Variants in IGF2BP2 observed in about 807,000 individuals in gnomAD.
IGF2BP2 encodes insulin-like growth factor 2 mRNA-binding protein 2.
A neutral mutation model predicts 75.8 loss-of-function variants in IGF2BP2; 17 were observed. That is an observed-to-expected ratio of 0.22 (90% confidence interval 0.15 to 0.34). The LOEUF is 0.34. Among genes scored for constraint, IGF2BP2 ranks in the 10% least tolerant of loss-of-function variants. IGF2BP2 has a pLI of 1.00. For missense variants in IGF2BP2, 516 were observed against 772.4 expected (o/e 0.67, Z 3.93); for synonymous variants, 288 against 295.6 (o/e 0.97, Z 0.26).
chr3:185,790,210 A>G (rs1279873292), intron 2 of IGF2BP2, among the ~76,000 whole-genome samples: 1 of 152,196 alleles, frequency 6.6e-6, no homozygotes, highest in Non-Finnish European at 1.5e-5. Context: ...CTTTGCTACC[A>G]GGTGTGCTCA....
chr3:185,696,793 G>A, intron 3 of IGF2BP2, 130 bp from the exon 4 acceptor site: 1 of 746,210 alleles, frequency 1.3e-6, no homozygotes, highest in Middle Eastern at 2.4e-4. Flanking sequence ...TAATTAAATT[G>A]ATATCTCAGG....
At chr3:185,824,186 G>A (rs1741732971) in intron 1 of IGF2BP2, among the ~76,000 whole-genome samples, 1 of 151,190 alleles carries the variant, frequency 6.6e-6, no homozygotes, top group African/African-American at 2.4e-5. Context: ...GGGGAGCCCC[G>A]AGATCTCGAA....
At chr3:185,736,717 G>T (rs1393641258) in intron 2 of IGF2BP2, among the ~76,000 whole-genome samples, 1 of 152,354 alleles carries the variant, frequency 6.6e-6, no homozygotes, top group African/African-American at 2.4e-5. Flanking sequence ...GAGTTAATGA[G>T]CTCAACACTT....
intron 2 of IGF2BP2, among the ~76,000 whole-genome samples, chr3:185,798,581 G>C (rs1157818448): frequency 2.0e-5 from 3 of 151,954 alleles, no homozygotes; most frequent in Non-Finnish European, 4.4e-5. Flanking sequence ...CACATTATTG[G>C]TCCCATTCAT....
At chr3:185,764,098 C>T (rs1462014814) in intron 2 of IGF2BP2, among the ~76,000 whole-genome samples, 2 of 151,954 alleles carry the variant, frequency 1.3e-5, no homozygotes, top group Non-Finnish European at 2.9e-5. Flanking sequence ...TTAAATGGTA[C>T]TTTTCCTTAT....
At chr3:185,747,880 G>A (rs1195881540) in intron 2 of IGF2BP2, among the ~76,000 whole-genome samples, 2 of 134,182 alleles carry the variant, frequency 1.5e-5, no homozygotes, top group African/African-American at 6.3e-5. Context: ...TTTTGAGACG[G>A]AGTCTCGCTC....
intron 2 of IGF2BP2, among the ~76,000 whole-genome samples, chr3:185,712,032 C>T (rs916359193): frequency 1.3e-5 from 2 of 152,150 alleles, no homozygotes; most frequent in African/African-American, 4.8e-5. Context: ...GTGAATGAAT[C>T]TGGCAACTAA....
At chr3:185,675,009 CTTTT>C (rs777364824) in intron 9 of IGF2BP2, 24 of 110,016 alleles carry the variant, frequency 2.2e-4, no homozygotes, top group Middle Eastern at 4.8e-3. Flanking sequence ...TCTTGCTTTT[CTTTT>C]TTTTTTTTTT....
chr3:185,699,938 T>C (rs1391854134), intron 2 of IGF2BP2, among the ~76,000 whole-genome samples: 2 of 152,206 alleles, frequency 1.3e-5, no homozygotes, highest in Admixed American at 6.5e-5. Context: ...GTATAAGTTA[T>C]GTAATTTTTT....
At chr3:185,699,954 C>G (rs77296834) in intron 2 of IGF2BP2, among the ~76,000 whole-genome samples, 20 of 151,744 alleles carry the variant, frequency 1.3e-4, no homozygotes, top group Non-Finnish European at 2.5e-4. Flanking sequence ...TTTTTTTTAT[C>G]TTTGAGAACA....
At chr3:185,823,814 G>A (rs1741674162) in intron 1 of IGF2BP2, among the ~76,000 whole-genome samples, 1 of 151,844 alleles carries the variant, frequency 6.6e-6, no homozygotes, top group African/African-American at 2.4e-5. Context: ...GGGGGCCCGC[G>A]CGGCTGGGAG....
rs773228830 is a variant in IGF2BP2, at chr3:185,665,455, GAGA to G, written c.1201-7049_1201-7047del. On this transcript the variant is annotated intron_variant, in intron 10 of 15. Coordinates refer to ENST00000382199, the MANE Select transcript of IGF2BP2 (RefSeq NM_006548.6). ...GGAGGAGGAGAAGGAGGAGGAGGAG[GAGA>G]AGAAGAAGAAGAAGAAGGAGAAGAA... is the stretch of plus-strand genomic sequence containing the variant. 4.4e-3 allele frequency among the ~76,000 whole-genome samples: 443 copies of G among 101,050 alleles called. 25 individuals are homozygous for G. Among genetic ancestry groups the G allele is most frequent in the Non-Finnish European group, 5.0e-3 (248 of 50,058 alleles). 66.3% of individuals were successfully genotyped at this position (101,050 alleles called of 152,430 possible).
At chr3:185,798,870 A>G (rs1229356446) in intron 2 of IGF2BP2, among the ~76,000 whole-genome samples, 1 of 148,304 alleles carries the variant, frequency 6.7e-6, no homozygotes, top group African/African-American at 2.5e-5. Flanking sequence ...CTTGGCTCCC[A>G]GGCTCAAGCA....
intron 10 of IGF2BP2, among the ~76,000 whole-genome samples, chr3:185,669,675 A>T (rs1452683821): frequency 6.6e-6 from 1 of 152,192 alleles, no homozygotes; most frequent in Admixed American, 6.5e-5. Flanking sequence ...GGAGGGACAC[A>T]GACTCCCTGA....
intron 2 of IGF2BP2, among the ~76,000 whole-genome samples, chr3:185,788,769 C>T (rs1279189273): frequency 7.1e-6 from 1 of 140,494 alleles, no homozygotes; most frequent in Non-Finnish European, 1.5e-5. Flanking sequence ...GGCTGGAGCG[C>T]AGTGGCGCGA....
intron 10 of IGF2BP2, among the ~76,000 whole-genome samples, chr3:185,667,264 C>CAGTATAAG (rs759588272): frequency 0.063 from 9,659 of 152,274 alleles, 420 homozygotes; most frequent in Middle Eastern, 0.14. Flanking sequence ...GATAAATTCT[C>CAGTATAAG]CATGAATTGC....
chr3:185,774,422 T>C (rs1009404861), intron 2 of IGF2BP2, among the ~76,000 whole-genome samples: 2 of 151,584 alleles, frequency 1.3e-5, no homozygotes, highest in South Asian at 4.2e-4. Context: ...ATTGAAACCC[T>C]GTCTCTACTA....
At chr3:185,658,171 C>T (rs779046297) in intron 11 of IGF2BP2, among the ~76,000 whole-genome samples, 170 bp downstream of exon 11, 3 of 152,116 alleles carry the variant, frequency 2.0e-5, no homozygotes, top group Non-Finnish European at 4.4e-5. Context: ...CAAGAGCACT[C>T]GGGTGCTGGG....
At chr3:185,794,114 C>A (rs1737014771) in intron 2 of IGF2BP2, among the ~76,000 whole-genome samples, 1 of 151,992 alleles carries the variant, frequency 6.6e-6, no homozygotes, top group Non-Finnish European at 1.5e-5. Flanking sequence ...CATGCCACCA[C>A]ACCTGGCTAA....
Sources: gnomAD v4.1 joint callset for allele counts (sites outside exome capture counted in the v4.1 genomes callset) on GRCh38, gnomAD v4.1.1 for gene constraint, MANE v1.5 for transcripts, NCBI Gene and HGNC (gene_info 2026-07-23, HGNC 2026-07-21) for gene names.